FAM228A: variants seen among roughly 807,000 people sequenced by gnomAD.
The protein encoded by FAM228A is protein FAM228A.
In FAM228A, 13 loss-of-function variants were observed where a neutral mutation model predicts 18.6. The observed-to-expected ratio is 0.70, with a 90% CI of 0.45 to 1.11. FAM228A has a LOEUF of 1.11. FAM228A is among the 50% of genes least tolerant of loss of function. The pLI, the probability that FAM228A is intolerant of heterozygous loss-of-function variation, is 0.00. For missense variants in FAM228A, 240 were observed against 242.2 expected (o/e 0.99, Z 0.06); for synonymous variants, 77 against 86.6 (o/e 0.89, Z 0.61).
In FAM228A at chr2:24,191,242, A is replaced by AG; in HGVS notation, c.*616dup. The AG allele has an allele frequency of 1.0e-6, 1 of 985,556 alleles. No homozygotes were observed. Among genetic ancestry groups the AG allele is most frequent in the Non-Finnish European group, 1.2e-6 (1 of 830,086 alleles). The allele number at this position is 985,556 out of a possible 1,614,324, so 61.1% of individuals were successfully genotyped here. A position where few individuals can be genotyped will look rare whatever the true frequency, so the allele number is the denominator to read the frequency against. On this transcript the variant is annotated 3_prime_UTR_variant, in exon 6 of 6. Transcript: ENST00000295150. Reference sequence around the variant, plus strand: ...CGCAGGACCCTCCCAGGGAAGGCCTAGGGGGCTTGGTGGGCCACCGCTCAG... The same window carrying AG: ...CGCAGGACCCTCCCAGGGAAGGCCTAGGGGGGCTTGGTGGGCCACCGCTCAG...
chr2:24,185,926 C>T (rs941515149), intron 5 of FAM228A, among the ~76,000 whole-genome samples: 7 of 151,976 alleles, frequency 4.6e-5, no homozygotes, highest in African/African-American at 1.5e-4. Context: ...GAAATAAAAA[C>T]GATTTCATAT....
At chr2:24,189,918 A>T (rs1169790153) in intron 5 of FAM228A, among the ~76,000 whole-genome samples, 1 of 151,990 alleles carries the variant, frequency 6.6e-6, no homozygotes, top group African/African-American at 2.4e-5. Context: ...CGGGGGACGG[A>T]CTGGGAGGCT....
intron 5 of FAM228A, among the ~76,000 whole-genome samples, chr2:24,185,154 C>G (rs955003084): frequency 6.6e-6 from 1 of 152,086 alleles, no homozygotes; most frequent in African/African-American, 2.4e-5. Flanking sequence ...CAAATTTAGG[C>G]TTATAATACA....
chr2:24,187,490 G>A (rs1051657688), intron 5 of FAM228A, among the ~76,000 whole-genome samples: 5 of 152,132 alleles, frequency 3.3e-5, no homozygotes, highest in African/African-American at 9.7e-5. Context: ...CATTCTATGC[G>A]TTTTGACAAA....
At chr2:24,184,102 G>A (rs536751685) in intron 5 of FAM228A, among the ~76,000 whole-genome samples, 46 of 152,200 alleles carry the variant, frequency 3.0e-4, no homozygotes, top group African/African-American at 1.1e-3. Flanking sequence ...TTTACAGGCC[G>A]GGCACGGTGG....
At chr2:24,175,722 TTGGCCGAGAGTG>T in intron 2 of FAM228A, 149 bp downstream of exon 2, 2 of 765,052 alleles carry the variant, frequency 2.6e-6, no homozygotes, top group Non-Finnish European at 4.2e-6. Context: ...GGGCTCAGAT[TTGGCCGAGAGTG>T]TGGCCAAGAG....
intron 3 of FAM228A, among the ~76,000 whole-genome samples, chr2:24,178,820 C>T (rs929936704): frequency 6.6e-6 from 1 of 152,132 alleles, no homozygotes; most frequent in African/African-American, 2.4e-5. Context: ...GAAAAAGAAA[C>T]AAGAGTTTCA....
chr2:24,190,424 CA>C lies in FAM228A; in HGVS notation c.415del (p.Ile139SerfsTer17), dbSNP rs745950354. ...KTYKYSPEKL[I>X]YADKKQKRKE... is the part of the protein sequence containing the mutation. ...CTTTTCTTCACAGTCCTGAAAAGCT[CA>C]TCTATGCAGACAAGAAACAGAAAAG... On this transcript the variant is annotated frameshift_variant, in exon 6 of 6. Transcript: ENST00000295150. LOFTEE classifies it low-confidence loss of function (END_TRUNC). The C allele has an allele frequency of 3.6e-5, 58 of 1,611,038 alleles. No individual in the cohort carries two copies. The highest frequency in any genetic ancestry group is 1.7e-4 in the Middle Eastern group (1 of 6,034).
rs550220999 is a variant in FAM228A at position 24,188,429 on chromosome 2, A to G, written c.402-1983A>G. The G allele has an allele frequency of 2.0e-5, 20 of 985,260 alleles. No individual in the cohort carries two copies. In the East Asian group the frequency reaches 1.7e-3, roughly 84 times the overall value. 61.0% of individuals were successfully genotyped at this position (985,260 alleles called of 1,614,324 possible). ...CCCACCCCTCCTTGATTCTTTTTCAAATAGGTTTTGGGAAATGCTGTCTGT... is the reference window on the plus strand; with the variant it reads ...CCCACCCCTCCTTGATTCTTTTTCAGATAGGTTTTGGGAAATGCTGTCTGT... On this transcript the variant is annotated intron_variant, in intron 5 of 5. Transcript: ENST00000295150.
At chr2:24,180,257 C>G (rs150811216) in intron 3 of FAM228A, among the ~76,000 whole-genome samples, 1 of 147,046 alleles carries the variant, frequency 6.8e-6, no homozygotes, top group Non-Finnish European at 1.5e-5. Flanking sequence ...GAGTTCAAGA[C>G]CAGCCTGGGC....
chr2:24,188,344 A>T (rs1422168588), intron 5 of FAM228A: 1 of 717,934 alleles, frequency 1.4e-6, no homozygotes. Flanking sequence ...TCAACCCATC[A>T]TCTAAGTATT....
In FAM228A at chr2:24,191,068, T is replaced by C; in HGVS notation, c.*437T>C. 1 of 988,358 alleles carries C rather than the reference T, an allele frequency of 1.0e-6. No homozygotes were observed. The highest frequency in any genetic ancestry group is 1.2e-6 in the Non-Finnish European group (1 of 831,904). 61.2% of individuals were successfully genotyped at this position (988,358 alleles called of 1,614,324 possible). ...AAAAATTAGGGCAAGATGAGATTTTTTGATATTTAAAAGGTATTTTTATAT... is the reference window on the plus strand; with the variant it reads ...AAAAATTAGGGCAAGATGAGATTTTCTGATATTTAAAAGGTATTTTTATAT... On this transcript the variant is annotated 3_prime_UTR_variant, in exon 6 of 6. Transcript: ENST00000295150.
Position 24,175,629 on chromosome 2 carries a change from G to A in FAM228A, c.93+56G>A, listed in dbSNP as rs1309734252. ...TTTGGCGGGGGGACCCCTCGAGTTT[G>A]GGAACTGTTTATCTTAATTTCGCTT... On this transcript the variant is annotated intron_variant, in intron 2 of 5. Coordinates refer to ENST00000295150, the MANE Select transcript of FAM228A (RefSeq NM_001040710.3). 3 of 1,301,236 alleles carry A rather than the reference G, an allele frequency of 2.3e-6. No individual in the cohort carries two copies. The Admixed American group carries it at 5.1e-5, about 22-fold the overall frequency. The allele number at this position is 1,301,236 out of a possible 1,614,324, so 80.6% of individuals were successfully genotyped here. A position where few individuals can be genotyped will look rare whatever the true frequency, so the allele number is the denominator to read the frequency against.
At chr2:24,177,962 C>T (rs1192749805) in intron 3 of FAM228A, 92 bp downstream of exon 3, 2 of 766,098 alleles carry the variant, frequency 2.6e-6, no homozygotes, top group Non-Finnish European at 4.3e-6. Flanking sequence ...TCACCGTGAT[C>T]CAAGAGACTC....
At chr2:24,181,429 A>G (rs960462394) in intron 3 of FAM228A, among the ~76,000 whole-genome samples, 5 of 152,140 alleles carry the variant, frequency 3.3e-5, no homozygotes, top group Admixed American at 1.3e-4. Context: ...TTGTTGCCCA[A>G]GCTGGAGTAC....
At position 24,191,019 on chromosome 2, in the gene FAM228A, G is replaced by T. The variant is rs989754724; in HGVS notation, c.*388G>T. 2 of 1,005,118 alleles carry T rather than the reference G, an allele frequency of 2.0e-6. No homozygotes were observed. The highest frequency in any genetic ancestry group is 2.4e-6 in the Non-Finnish European group (2 of 843,254). The allele number at this position is 1,005,118 out of a possible 1,614,324, so 62.3% of individuals were successfully genotyped here. A position where few individuals can be genotyped will look rare whatever the true frequency, so the allele number is the denominator to read the frequency against. ...TTAGTCCACACACAACTGGTGGGAA[G>T]TTTTTGAAATGAAATTTATACCAAA... On this transcript the variant is annotated 3_prime_UTR_variant, in exon 6 of 6. Coordinates refer to ENST00000295150, the MANE Select transcript of FAM228A (RefSeq NM_001040710.3).
At chr2:24,183,160 C>T (rs1386124975) in intron 3 of FAM228A, 125 bp from the exon 4 acceptor site, 1 of 703,360 alleles carries the variant, frequency 1.4e-6, no homozygotes, top group East Asian at 2.6e-5. Flanking sequence ...CAACCCTCGC[C>T]CCCTCCTGCC....
At chr2:24,184,104 G>A (rs1482273654) in intron 5 of FAM228A, among the ~76,000 whole-genome samples, 4 of 152,194 alleles carry the variant, frequency 2.6e-5, no homozygotes, top group Non-Finnish European at 5.9e-5. Context: ...TACAGGCCGG[G>A]CACGGTGGCT....
chr2:24,186,751 G>T (rs886281978), intron 5 of FAM228A, among the ~76,000 whole-genome samples: 1 of 152,010 alleles, frequency 6.6e-6, no homozygotes, highest in African/African-American at 2.4e-5. Flanking sequence ...TGATTCTCCT[G>T]CCTCAGCCTC....
Sources: gnomAD v4.1 joint callset for allele counts (sites outside exome capture counted in the v4.1 genomes callset) on GRCh38, gnomAD v4.1.1 for gene constraint, MANE v1.5 for transcripts, NCBI Gene and HGNC (gene_info 2026-07-23, HGNC 2026-07-21) for gene names.